GPLD1: variants seen among roughly 807,000 people sequenced by gnomAD.
The protein encoded by GPLD1 is glycosylphosphatidylinositol specific phospholipase D1.
A neutral mutation model predicts 112.6 loss-of-function variants in GPLD1; 84 were observed. The observed-to-expected ratio is 0.75, with a 90% CI of 0.63 to 0.89. The LOEUF is 0.89. Among genes scored for constraint, GPLD1 ranks in the 40% least tolerant of loss-of-function variants. The probability of loss-of-function intolerance (pLI) is 0.00; values close to 1 mark genes in which losing one functional copy is unlikely to be tolerated. For synonymous variants in GPLD1, 386 were observed against 403.8 expected (o/e 0.96, Z 0.53); for missense variants, 1,044 against 1,051.5 (o/e 0.99, Z 0.10).
upstream of GPLD1, among the ~76,000 whole-genome samples, chr6:24,491,725 T>C (rs1194553858): frequency 1.3e-5 from 2 of 151,910 alleles, no homozygotes; most frequent in Non-Finnish European, 2.9e-5. Context: ...ATGGGTTCAG[T>C]TACCAAACAA....
chr6:24,492,485 G>A (rs1192209585), upstream of GPLD1, among the ~76,000 whole-genome samples: 5 of 143,458 alleles, frequency 3.5e-5, no homozygotes, highest in Admixed American at 7.3e-5. Context: ...CAGCCTGGGC[G>A]ACAGAGTAAG....
intron 24 of GPLD1, among the ~76,000 whole-genome samples, chr6:24,431,786 C>A (rs551154628): frequency 7.9e-5 from 12 of 152,132 alleles, no homozygotes; most frequent in African/African-American, 2.9e-4. Context: ...CCACCAACCT[C>A]GGCTTCTCAA....
chr6:24,438,158 C>CT (rs1290062749), intron 20 of GPLD1, among the ~76,000 whole-genome samples: 2 of 152,218 alleles, frequency 1.3e-5, no homozygotes, highest in African/African-American at 4.8e-5. Flanking sequence ...ACTTCTGTGT[C>CT]TCCTGCATCA....
At chr6:24,431,535 CT>C (rs59056170) in intron 24 of GPLD1, among the ~76,000 whole-genome samples, 27,307 of 138,788 alleles carry the variant, frequency 0.2, 2,862 homozygotes, top group East Asian at 0.43. Flanking sequence ...TAAGGTTAAA[CT>C]TTTTTTTTTT....
Position 24,466,730 on chromosome 6 carries a change from C to T in GPLD1, c.771G>A (p.Trp257Ter). The change falls in exon 10 of 25, where the codon TGG (tryptophan) becomes TGA (stop). Residue 257 changes from tryptophan (W) to a stop codon, truncating the protein, a stop_gained. Coordinates refer to ENST00000230036, the MANE Select transcript of GPLD1 (RefSeq NM_001503.4). LOFTEE classifies it high-confidence loss of function. ...FLGGLDDMAF[W>*]STNIYHLTSF... is the part of the protein sequence containing the mutation. ...TTGTTAGATGGTAAATATTAGTGGA[C>T]CAAAATGCCATATCATCCAGTCCTC... The T allele has an allele frequency of 2.5e-6, 4 of 1,612,080 alleles. No individual in the cohort carries two copies. Among genetic ancestry groups the T allele is most frequent in the Non-Finnish European group, 3.4e-6 (4 of 1,178,270 alleles).
At chr6:24,479,729 G>C (rs750311561) in intron 3 of GPLD1, 152 bp downstream of exon 3, 84 of 520,100 alleles carry the variant, frequency 1.6e-4, no homozygotes, top group Non-Finnish European at 2.7e-4. Flanking sequence ...CAACAATATT[G>C]TTGGGAAACA....
Position 24,445,395 on chromosome 6 carries a change from C to G in GPLD1, c.2020+151G>C, listed in dbSNP as rs903932651. The G allele has an allele frequency of 4.9e-5, 30 of 615,604 alleles. No homozygotes were observed. In the South Asian group the frequency reaches 5.2e-4, roughly 11 times the overall value. 38.1% of individuals were successfully genotyped at this position (615,604 alleles called of 1,614,324 possible). Reference sequence around the variant, plus strand: ...AAAGTTCTGAGAGGTTAAGTAACTTCCCCAAAGTTACACAGAATGTTATTA... The same window carrying G: ...AAAGTTCTGAGAGGTTAAGTAACTTGCCCAAAGTTACACAGAATGTTATTA... On this transcript the variant is annotated intron_variant, in intron 20 of 24. Transcript: ENST00000230036.
intron 14 of GPLD1, among the ~76,000 whole-genome samples, chr6:24,452,856 T>C (rs1348443098): frequency 6.6e-6 from 1 of 151,578 alleles, no homozygotes; most frequent in African/African-American, 2.4e-5. Context: ...AAAGGGTAAG[T>C]GCCTTGCCTG....
At position 24,476,055 on chromosome 6, in the gene GPLD1, A is replaced by G; in HGVS notation, c.330+126T>C. 6 of 607,176 alleles carry G rather than the reference A, an allele frequency of 9.9e-6. 1 individual carries two copies. The highest frequency in any genetic ancestry group is 8.2e-5 in the South Asian group (4 of 48,946). 37.6% of individuals were successfully genotyped at this position (607,176 alleles called of 1,614,324 possible). A position where few individuals can be genotyped will look rare whatever the true frequency, so the allele number is the denominator to read the frequency against. Reference sequence around the variant, plus strand: ...CATCTACTATGTCCAAGCAATGTGCATGACACTGAAGGTGGAATGGTGGGC... The same window carrying G: ...CATCTACTATGTCCAAGCAATGTGCGTGACACTGAAGGTGGAATGGTGGGC... On this transcript the variant is annotated intron_variant, in intron 4 of 24. Coordinates refer to ENST00000230036, the MANE Select transcript of GPLD1 (RefSeq NM_001503.4).
chr6:24,456,417 G>A (rs1295800918), intron 13 of GPLD1, 81 bp downstream of exon 13: 6 of 927,734 alleles, frequency 6.5e-6, no homozygotes, highest in African/African-American at 1.7e-5. Flanking sequence ...AAAATAAAAT[G>A]AAATAAAAAA....
chr6:24,481,788 A>G (rs1764212362), intron 2 of GPLD1, among the ~76,000 whole-genome samples: 1 of 152,184 alleles, frequency 6.6e-6, no homozygotes, highest in African/African-American at 2.4e-5. Flanking sequence ...CCAGTTCCAC[A>G]CTGCAGATAT....
chr6:24,444,088 T>C (rs1373823974), intron 20 of GPLD1, among the ~76,000 whole-genome samples: 1 of 152,208 alleles, frequency 6.6e-6, no homozygotes, highest in East Asian at 1.9e-4. Flanking sequence ...GATTAGAACC[T>C]CTACTCCAGT....
chr6:24,446,834 T>C lies in GPLD1; in HGVS notation c.1820+4A>G, dbSNP rs1762924760. The C allele has an allele frequency of 6.2e-7, 1 of 1,613,132 alleles. No individual in the cohort carries two copies. Among genetic ancestry groups the C allele is most frequent in the Non-Finnish European group, 8.5e-7 (1 of 1,179,550 alleles). On this transcript the variant is annotated splice_donor_region_variant and intron_variant, in intron 18 of 24. Coordinates refer to ENST00000230036, the MANE Select transcript of GPLD1 (RefSeq NM_001503.4). ...TGGTTCCCAGCCCCCAGCATCAGCC[T>C]CACCTGCTGGCATTCTTCCAGGTCG...
upstream of GPLD1, among the ~76,000 whole-genome samples, chr6:24,492,878 T>A (rs1222138804): frequency 6.6e-6 from 1 of 152,160 alleles, no homozygotes; most frequent in African/African-American, 2.4e-5. Context: ...CAAAAATAAG[T>A]AAACAATAAA....
At chr6:24,458,600 C>T (rs1163017825) in intron 12 of GPLD1, among the ~76,000 whole-genome samples, 2 of 152,042 alleles carry the variant, frequency 1.3e-5, no homozygotes, top group African/African-American at 2.4e-5. Context: ...TTGTTAAAGC[C>T]GGGTGTGGTG....
At position 24,428,718 on chromosome 6, in the gene GPLD1, G is replaced by T. The variant is rs900039113; in HGVS notation, c.*314C>A. The T allele has an allele frequency of 2.2e-5, 5 of 230,288 alleles. No individual in the cohort carries two copies. The highest frequency in any genetic ancestry group is 1.1e-4 in the Admixed American group (2 of 17,972). The allele number at this position is 230,288 out of a possible 1,614,324, so 14.3% of individuals were successfully genotyped here. A position where few individuals can be genotyped will look rare whatever the true frequency, so the allele number is the denominator to read the frequency against. On this transcript the variant is annotated 3_prime_UTR_variant, in exon 25 of 25. Coordinates refer to ENST00000230036, the MANE Select transcript of GPLD1 (RefSeq NM_001503.4). ...GGAAGAGGAAATAGGTTGTACAGCAGGTCTGACTACAGGCAATAAGTTGGG... is the reference window on the plus strand; with the variant it reads ...GGAAGAGGAAATAGGTTGTACAGCATGTCTGACTACAGGCAATAAGTTGGG...
intron 7 of GPLD1, 84 bp downstream of exon 7, chr6:24,472,498 T>C (rs1763857329): frequency 1.3e-6 from 1 of 776,708 alleles, no homozygotes; most frequent in Admixed American, 2.0e-5. Context: ...TCTAATTATA[T>C]TGTCAGTTAT....
At chr6:24,490,545 G>GT (rs1184223278), upstream of GPLD1, among the ~76,000 whole-genome samples, 1 of 152,130 alleles carries the variant, frequency 6.6e-6, no homozygotes, top group Non-Finnish European at 1.5e-5. Context: ...GAGGTCAGGA[G>GT]TTTGAGACCA....
intron 1 of GPLD1, among the ~76,000 whole-genome samples, chr6:24,487,032 C>T (rs563620650): frequency 6.6e-6 from 1 of 152,172 alleles, no homozygotes; most frequent in African/African-American, 2.4e-5. Flanking sequence ...AATAAGAGGA[C>T]TAACATTCCC....
Sources: gnomAD v4.1 joint callset for allele counts (sites outside exome capture counted in the v4.1 genomes callset) on GRCh38, gnomAD v4.1.1 for gene constraint, MANE v1.5 for transcripts, NCBI Gene and HGNC (gene_info 2026-07-23, HGNC 2026-07-21) for gene names.